The following ADAM33 variants were observed in gnomAD, a reference collection of about 807,000 sequenced individuals.
The protein encoded by ADAM33 is disintegrin and metalloproteinase domain-containing protein 33.
In ADAM33, 103 loss-of-function variants were observed where a neutral mutation model predicts 106.2. The observed-to-expected ratio is 0.97, with a 90% confidence interval of 0.83 to 1.14. The LOEUF is 1.14. ADAM33 is among the 50% of genes most tolerant of loss of function. ADAM33 has a pLI of 0.00. For synonymous variants in ADAM33, 483 were observed against 453.0 expected (o/e 1.07, Z -0.84); for missense variants, 1,120 against 1,096.6 (o/e 1.02, Z -0.30).
At position 3,668,046 on chromosome 20, in the gene ADAM33, A is replaced by G. The variant is rs1245332399; in HGVS notation, c.*917T>C. ...CAGGCTGGAGTGCAGTGGTGCCACC[A>G]TAGCTCACTGCAGTGTTGAACTCAG... is the stretch of plus-strand genomic sequence containing the variant. On this transcript the variant is annotated 3_prime_UTR_variant, in exon 22 of 22. Transcript: ENST00000356518. 6.6e-6 allele frequency: 1 copy of G among 152,568 alleles called. No individual in the cohort carries two copies. The highest frequency in any genetic ancestry group is 1.5e-5 in the Non-Finnish European group (1 of 68,334). The allele number at this position is 152,568 out of a possible 1,614,324, so 9.5% of individuals were successfully genotyped here. A position where few individuals can be genotyped will look rare whatever the true frequency, so the allele number is the denominator to read the frequency against.
chr20:3,670,826 C>T (rs574725215), intron 19 of ADAM33, among the ~76,000 whole-genome samples, 180 bp downstream of exon 19: 18 of 152,302 alleles, frequency 1.2e-4, no homozygotes, highest in East Asian at 9.7e-4. Flanking sequence ...TCCACCCCCT[C>T]GCTTGACTGG....
At chr20:3,669,100 C>T (rs2087359758) in intron 21 of ADAM33, 100 bp from the exon 22 acceptor site, 3 of 1,422,250 alleles carry the variant, frequency 2.1e-6, no homozygotes, top group Admixed American at 3.4e-5. Context: ...ACCAGTGATC[C>T]AGGAAAAGCC....
intron 13 of ADAM33, 40 bp from the exon 14 acceptor site, chr20:3,672,369 C>A: frequency 6.2e-7 from 1 of 1,602,220 alleles, no homozygotes. Flanking sequence ...AGAGAGAGGC[C>A]ACGTGCAGTG....
Position 3,671,902 on chromosome 20 carries a change from C to T in ADAM33, c.1681G>A (p.Gly561Ser), listed in dbSNP as rs529300249. ...CTCCCTGCACAGGGCAGGAAGTGGCCCTCGCTGTCCTGGCCGCAGTTTCCA... is the reference window on the plus strand; with the variant it reads ...CTCCCTGCACAGGGCAGGAAGTGGCTCTCGCTGTCCTGGCCGCAGTTTCCA... ...AHGNCGQDSE[G>S]HFLPCAGRDA... Residue 561 changes from glycine to serine, a missense_variant, in exon 15 of 22, where the codon GGC becomes AGC. Coordinates refer to ENST00000356518, the MANE Select transcript of ADAM33 (RefSeq NM_025220.5). 3.2e-6 allele frequency: 5 copies of T among 1,553,932 alleles called. No individual in the cohort carries two copies. The highest frequency in any genetic ancestry group is 3.9e-5 in the Admixed American group (2 of 51,162).
chr20:3,672,567 G>T lies in ADAM33; in HGVS notation c.1371C>A (p.Cys457Ter), dbSNP rs1216831690. Residue 457 changes from cysteine (C) to a stop codon, truncating the protein, a stop_gained, in exon 13 of 22, where the codon TGC (cysteine) becomes TGA (stop). Coordinates refer to ENST00000356518, the MANE Select transcript of ADAM33 (RefSeq NM_025220.5). LOFTEE classifies it high-confidence loss of function. ...HNCSLRPGAQ[C>*]AHGDCCVRCL... ...AGCGCACGCAGCAGTCCCCGTGGGC[G>T]CACTGGGCCCCCGGGCGCAGCGAGC... 1.9e-6 allele frequency: 3 copies of T among 1,613,426 alleles called. No homozygotes were observed. The highest frequency in any genetic ancestry group is 2.2e-5 in the East Asian group (1 of 44,896).
chr20:3,673,414 T>G lies in ADAM33; in HGVS notation c.1073A>C (p.Asp358Ala). 1.9e-6 allele frequency: 3 copies of G among 1,563,154 alleles called. No individual in the cohort carries two copies. The highest frequency in any genetic ancestry group is 2.6e-6 in the Non-Finnish European group (3 of 1,161,514). Reference sequence around the variant, plus strand: ...GGCCGCAGCCTCCACGCAGCAGCCGTCGGGGTCGTGGCTGAGGCCGAGGCT... The same window carrying G: ...GGCCGCAGCCTCCACGCAGCAGCCGGCGGGGTCGTGGCTGAGGCCGAGGCT... ...GHSLGLSHDP[D>A]GCCVEAAAES... The change falls in exon 11 of 22, where the codon GAC becomes GCC. Residue 358 changes from aspartate to alanine, a missense_variant. Asp to Ala is a moderately radical substitution (Grantham distance 126). Coordinates refer to ENST00000356518, the MANE Select transcript of ADAM33 (RefSeq NM_025220.5).
chr20:3,680,937 T>C (rs2088440206), intron 1 of ADAM33, among the ~76,000 whole-genome samples: 1 of 152,056 alleles, frequency 6.6e-6, no homozygotes, highest in South Asian at 2.1e-4. Context: ...CAGGCTGGTA[T>C]TGGGCACATA....
chr20:3,677,019 C>G (rs1047073420), intron 3 of ADAM33, 48 bp downstream of exon 3: 7 of 1,594,064 alleles, frequency 4.4e-6, no homozygotes, highest in Non-Finnish European at 6.0e-6. Context: ...GTCCCTGCCC[C>G]CCAACACTGA....
chr20:3,678,974 A>G (rs1162812064), intron 2 of ADAM33, among the ~76,000 whole-genome samples: 1 of 152,080 alleles, frequency 6.6e-6, no homozygotes, highest in African/African-American at 2.4e-5. Flanking sequence ...TCTGGGGGAC[A>G]TCAGGAGAGT....
chr20:3,676,878 G>A (rs1455015799), intron 3 of ADAM33, among the ~76,000 whole-genome samples, 189 bp downstream of exon 3: 9 of 152,186 alleles, frequency 5.9e-5, no homozygotes, highest in Admixed American at 3.9e-4. Flanking sequence ...GTGCCCCACA[G>A]CGGGGCTGAC....
At chr20:3,680,191 G>A (rs941060989) in intron 1 of ADAM33, among the ~76,000 whole-genome samples, 3 of 152,044 alleles carry the variant, frequency 2.0e-5, no homozygotes, top group African/African-American at 7.2e-5. Context: ...GGGGGCTCTA[G>A]GAGGAATCCC....
At chr20:3,680,891 G>C (rs756387983) in intron 1 of ADAM33, among the ~76,000 whole-genome samples, 2 of 152,144 alleles carry the variant, frequency 1.3e-5, no homozygotes, top group Non-Finnish European at 2.9e-5. Context: ...CTGGAGCTCC[G>C]GTGACCGGGT....
Position 3,672,168 on chromosome 20 carries a change from C to T in ADAM33, c.1563G>A (p.Thr521=). Residue 521 remains threonine (T), a synonymous_variant, in exon 14 of 22, where the codon ACG becomes ACA. Coordinates refer to ENST00000356518, the MANE Select transcript of ADAM33 (RefSeq NM_025220.5). ...AGAGCTGCTGGCACTGCTGCTCCAG[C>T]GTGGGACATGCGCCATCCCAGCAGT... The part of the protein sequence containing the change: ...SGYCWDGACP[T]LEQQCQQLWG... 1 of 1,612,970 alleles carries T rather than the reference C, an allele frequency of 6.2e-7. No homozygotes were observed. The highest frequency in any genetic ancestry group is 8.5e-7 in the Non-Finnish European group (1 of 1,179,840).
rs773372066 is a variant in ADAM33, at chr20:3,679,561, A to G, written c.108T>C (p.Pro36=). ...PGAGVLQGHI[P]GQPVTPHWVL... is the part of the protein sequence containing the mutation. ...CCCAGTGCGGGGTGACTGGCTGCCC[A>G]GGGATATGTCCTGGAGTAAAGACAG... The change falls in exon 2 of 22, where the codon CCT becomes CCC. Residue 36 remains proline, a synonymous_variant. Transcript: ENST00000356518. 6 of 1,608,680 alleles carry G rather than the reference A, an allele frequency of 3.7e-6. No individual in the cohort carries two copies. In the South Asian group the frequency reaches 4.5e-5, roughly 12 times the overall value.
Position 3,675,245 on chromosome 20 carries a change from G to C in ADAM33, c.255-140C>G. The C allele has an allele frequency of 3.0e-6, 2 of 661,556 alleles. No homozygotes were observed. Among genetic ancestry groups the C allele is most frequent in the Admixed American group, 2.7e-5 (1 of 36,988 alleles). The allele number at this position is 661,556 out of a possible 1,614,324, so 41.0% of individuals were successfully genotyped here. On this transcript the variant is annotated intron_variant, in intron 3 of 21. Coordinates refer to ENST00000356518, the MANE Select transcript of ADAM33 (RefSeq NM_025220.5). The surrounding 1 kb of genome is among the most constrained non-coding windows in gnomAD (Gnocchi z 4.1). ...ACAGTGTGTCTTAGGGAAGGGACAG[G>C]AGCAATGGTGACTTGCTCAGATCAG...
chr20:3,668,728 G>T lies in ADAM33; in HGVS notation c.*235C>A. On this transcript the variant is annotated 3_prime_UTR_variant, in exon 22 of 22. Coordinates refer to ENST00000356518, the MANE Select transcript of ADAM33 (RefSeq NM_025220.5). ...GTGACCTTTGCTTCTGGGACTGATGGTTTATTGAGCTGGAGAGTGTGCCCA... is the reference window on the plus strand; with the variant it reads ...GTGACCTTTGCTTCTGGGACTGATGTTTTATTGAGCTGGAGAGTGTGCCCA... 1.8e-6 allele frequency: 1 copy of T among 563,492 alleles called. No individual in the cohort carries two copies. The highest frequency in any genetic ancestry group is 3.2e-6 in the Non-Finnish European group (1 of 313,136). The allele number at this position is 563,492 out of a possible 1,614,324, so 34.9% of individuals were successfully genotyped here.
At chr20:3,678,833 C>T (rs1171687007) in intron 2 of ADAM33, among the ~76,000 whole-genome samples, 1 of 152,222 alleles carries the variant, frequency 6.6e-6, no homozygotes, top group Non-Finnish European at 1.5e-5. Flanking sequence ...CTACTGCCCT[C>T]TTAGTTTGCA....
At chr20:3,673,946 C>A (rs774498247) in intron 8 of ADAM33, 35 bp from the exon 9 acceptor site, 3 of 1,573,090 alleles carry the variant, frequency 1.9e-6, no homozygotes, top group Middle Eastern at 3.4e-4. Context: ...CGGGACAGGG[C>A]GCCCCATCGC....
chr20:3,677,228 G>C, intron 2 of ADAM33, 85 bp from the exon 3 acceptor site: 1 of 1,233,466 alleles, frequency 8.1e-7, no homozygotes, highest in Non-Finnish European at 1.1e-6. Flanking sequence ...GAGCCGGCTG[G>C]GGAGGAAGTT....
Sources: gnomAD v4.1 joint callset for allele counts (sites outside exome capture counted in the v4.1 genomes callset) on GRCh38, gnomAD v4.1.1 for gene constraint, Gnocchi (gnomAD v3.1) non-coding constraint, MANE v1.5 for transcripts, NCBI Gene and HGNC (gene_info 2026-07-23, HGNC 2026-07-21) for gene names.